The following ANO4 variants were observed in gnomAD, a reference collection of about 807,000 sequenced individuals.
ANO4 encodes the protein anoctamin-4.
ANO4 carries 69 observed loss-of-function variants against 141.9 expected under a neutral mutation model. The ratio of observed to expected loss-of-function variants is 0.49; its 90% CI spans 0.40 to 0.59. The LOEUF is 0.59. ANO4 is among the 20% of genes least tolerant of loss of function. The pLI is 0.00. For synonymous variants in ANO4, 350 were observed against 394.3 expected, an observed-to-expected ratio of 0.89 and a Z score of 1.33; for missense variants, 894 against 1,162.2, an observed-to-expected ratio of 0.77 and a Z score of 3.36.
intron 14 of ANO4, among the ~76,000 whole-genome samples, chr12:101,054,370 G>A (rs1566182150): frequency 6.6e-6 from 1 of 152,160 alleles, no homozygotes; most frequent in Non-Finnish European, 1.5e-5. Flanking sequence ...GGGATTGTGG[G>A]AAGATTTTTT....
chr12:100,985,088 T>TA (rs1217649671), intron 7 of ANO4, among the ~76,000 whole-genome samples: 1 of 152,192 alleles, frequency 6.6e-6, no homozygotes, highest in Non-Finnish European at 1.5e-5. Flanking sequence ...AGCTCTATAA[T>TA]AAAAAACCTT....
In ANO4 at chr12:100,861,767, C is replaced by A. The variant is rs143450633; in HGVS notation, c.-140-39879C>A. ...TTTGTAATAATATTTCACTTAAACA[C>A]ACATTGCACAGGTGTACAAAAGTAT... On this transcript the variant is annotated intron_variant, in intron 1 of 27. Coordinates refer to ENST00000392977, the MANE Select transcript of ANO4 (RefSeq NM_001286615.2). Among the ~76,000 whole-genome samples, 664 of 152,322 alleles carry A rather than the reference C, an allele frequency of 4.4e-3. 3 individuals are homozygous for A. Among genetic ancestry groups the A allele is most frequent in the African/African-American group, 0.016 (650 of 41,574 alleles).
chr12:100,894,965 CA>C (rs764468746), intron 1 of ANO4, among the ~76,000 whole-genome samples: 93 of 102,598 alleles, frequency 9.1e-4, no homozygotes, highest in South Asian at 2.7e-3. Context: ...GACTCCATCT[CA>C]AAAAAAAAAA....
chr12:101,066,064 TA>T, intron 14 of ANO4, among the ~76,000 whole-genome samples: 1 of 152,178 alleles, frequency 6.6e-6, no homozygotes, highest in Non-Finnish European at 1.5e-5. Flanking sequence ...GTTCAACATT[TA>T]TTCATGATAA....
At chr12:100,978,239 G>T (rs566620782) in intron 7 of ANO4, among the ~76,000 whole-genome samples, 1 of 152,334 alleles carries the variant, frequency 6.6e-6, no homozygotes, top group Non-Finnish European at 1.5e-5. Flanking sequence ...CCACATGCGT[G>T]TATGAGGATT....
chr12:100,720,191 C>G (rs1812734447), intron 1 of ANO4, among the ~76,000 whole-genome samples: 1 of 152,092 alleles, frequency 6.6e-6, no homozygotes, highest in African/African-American at 2.4e-5. Context: ...GTGTCCCCAC[C>G]TGAACCAGGA....
At chr12:100,919,778 ATCTAATCT>A (rs1469636640) in intron 2 of ANO4, among the ~76,000 whole-genome samples, 3 of 148,168 alleles carry the variant, frequency 2.0e-5, no homozygotes, top group African/African-American at 7.7e-5. Flanking sequence ...CTATCTATCT[ATCTAATCT>A]ATCTGTCTAT....
chr12:100,922,263 G>A lies in ANO4; in HGVS notation c.93G>A (p.Met31Ile). 2 of 1,533,050 alleles carry A rather than the reference G, an allele frequency of 1.3e-6. No homozygotes were observed. The highest frequency in any genetic ancestry group is 1.7e-6 in the Non-Finnish European group (2 of 1,145,814). 95.0% of individuals were successfully genotyped at this position (1,533,050 alleles called of 1,614,324 possible). Residue 31 changes from methionine (M) to isoleucine (I), a missense_variant, in exon 3 of 28, where the codon ATG (methionine) becomes ATA (isoleucine). By Grantham distance (10) the Met-to-Ile change is conservative (BLOSUM62 1). Around this residue, in one of 2 missense-constraint regions of ANO4, gnomAD observed 257 missense variants for 253.0 expected, o/e 1.02. Coordinates refer to ENST00000392977, the MANE Select transcript of ANO4 (RefSeq NM_001286615.2). ...GVDLQGYQLD[M>I]QILPDGPKSD... ...ATTTGCAAGGCTACCAGCTGGATAT[G>A]CAAATACTACCTGACGGGCCAAAGA...
intron 1 of ANO4, among the ~76,000 whole-genome samples, chr12:100,897,628 C>T (rs1339576944): frequency 1.3e-5 from 2 of 152,164 alleles, no homozygotes; most frequent in Non-Finnish European, 2.9e-5. Context: ...AGAAATGGAC[C>T]ATCCATGTAC....
At chr12:100,764,372 C>T (rs1185103840) in intron 3 of ANO4, among the ~76,000 whole-genome samples, 1 of 152,154 alleles carries the variant, frequency 6.6e-6, no homozygotes, top group African/African-American at 2.4e-5. Flanking sequence ...GTCAGGACAT[C>T]AGTAATGTGT....
chr12:101,098,226 C>T (rs1355035856), intron 21 of ANO4, among the ~76,000 whole-genome samples: 12 of 152,148 alleles, frequency 7.9e-5, no homozygotes, highest in African/African-American at 2.2e-4. Context: ...ACTTTAAATA[C>T]CTCTGACCTT....
rs2048610641 is a variant in ANO4 at position 101,066,849 on chromosome 12, T to C, written c.1313-12344T>C. The C allele has an allele frequency of 1.2e-5, 16 of 1,358,872 alleles. No individual in the cohort carries two copies. In the South Asian group the frequency reaches 1.9e-4, roughly 16 times the overall value. The allele number at this position is 1,358,872 out of a possible 1,614,324, so 84.2% of individuals were successfully genotyped here. On this transcript the variant is annotated intron_variant, in intron 14 of 27. Transcript: ENST00000392977. ...CTTCAGATTGACATACCTGATGCGC[T>C]CAGTGAGAGAGATAAGGTCAAATTT... is the stretch of plus-strand genomic sequence containing the variant.
chr12:100,785,474 G>A lies in ANO4; in HGVS notation c.358+45369G>A, dbSNP rs553385978. Among the ~76,000 whole-genome samples the A allele has an allele frequency of 4.6e-5, 7 of 152,252 alleles. No homozygotes were observed. In the East Asian group the frequency reaches 1.2e-3, roughly 25 times the overall value. On this transcript the variant is annotated intron_variant, in intron 3 of 29. Coordinates refer to the ANO4 transcript ENST00000644049. ...TTCCTAGTTTTGCCTTTTCTAGACTGTCATAGAGTTGGAATTATATCATAT... is the reference window on the plus strand; with the variant it reads ...TTCCTAGTTTTGCCTTTTCTAGACTATCATAGAGTTGGAATTATATCATAT...
chr12:100,911,572 T>C (rs1022904951), intron 2 of ANO4, among the ~76,000 whole-genome samples: 1 of 152,212 alleles, frequency 6.6e-6, no homozygotes, highest in Non-Finnish European at 1.5e-5. Flanking sequence ...CTCTGGACTT[T>C]TGTTTTTCAT....
At chr12:100,718,781 C>G (rs1242528054) in intron 1 of ANO4, among the ~76,000 whole-genome samples, 1 of 152,178 alleles carries the variant, frequency 6.6e-6, no homozygotes, top group Non-Finnish European at 1.5e-5. Flanking sequence ...CTTACCTGCA[C>G]GCACATTTAA....
At chr12:101,003,569 G>A (rs375573109) in intron 8 of ANO4, among the ~76,000 whole-genome samples, 2 of 152,110 alleles carry the variant, frequency 1.3e-5, no homozygotes, top group East Asian at 3.9e-4. Context: ...GGAATACCTC[G>A]TATTAATATT....
At chr12:101,111,965 A>T (rs2050681043) in intron 24 of ANO4, among the ~76,000 whole-genome samples, 1 of 152,212 alleles carries the variant, frequency 6.6e-6, no homozygotes, top group African/African-American at 2.4e-5. Flanking sequence ...CCAATGTAAG[A>T]GTGGCAATTA....
intron 9 of ANO4, among the ~76,000 whole-genome samples, chr12:101,030,412 A>C (rs1161011033): frequency 1.3e-5 from 2 of 152,226 alleles, no homozygotes; most frequent in East Asian, 3.8e-4. Flanking sequence ...AGAAATAAAG[A>C]AGTTCTTTGA....
At chr12:100,966,276 C>T (rs1044674066) in intron 5 of ANO4, among the ~76,000 whole-genome samples, 10 of 152,160 alleles carry the variant, frequency 6.6e-5, no homozygotes, top group Non-Finnish European at 2.9e-5. Flanking sequence ...AGCACCTTAA[C>T]GGCATTATGC....
Sources: gnomAD v4.1 joint callset for allele counts (sites outside exome capture counted in the v4.1 genomes callset) on GRCh38, gnomAD v4.1.1 for gene constraint, gnomAD v4.1.1 regional missense constraint, MANE v1.5 for transcripts, NCBI Gene and HGNC (gene_info 2026-07-23, HGNC 2026-07-21) for gene names.